METTL8: variants seen among roughly 807,000 people sequenced by gnomAD.
METTL8 encodes the protein tRNA N(3)-cytidine methyltransferase METTL8, mitochondrial.
METTL8 carries 32 observed loss-of-function variants against 48.7 expected under a neutral mutation model. The ratio of observed to expected loss-of-function variants is 0.66; its 90% CI spans 0.50 to 0.88. METTL8 has a LOEUF of 0.88. Ranked by LOEUF, METTL8 falls within the 40% of genes least tolerant of loss-of-function variation. METTL8 has a pLI of 0.00. For synonymous variants in METTL8, 136 were observed against 157.1 expected (o/e 0.87, Z 1.01); for missense variants, 464 against 474.4 (o/e 0.98, Z 0.20).
intron 3 of METTL8, among the ~76,000 whole-genome samples, chr2:171,345,489 A>T (rs1687177371): frequency 6.6e-6 from 1 of 151,662 alleles, no homozygotes; most frequent in African/African-American, 2.4e-5. Flanking sequence ...GAAAACTCTT[A>T]AAAACTATGA....
chr2:171,427,314 T>C (rs1692517442), intron 1 of METTL8, among the ~76,000 whole-genome samples: 1 of 152,200 alleles, frequency 6.6e-6, no homozygotes, highest in African/African-American at 2.4e-5. Context: ...CTCCTTACAA[T>C]TATTCTTGCC....
upstream of METTL8, chr2:171,434,755 C>T: frequency 8.6e-6 from 12 of 1,389,430 alleles, no homozygotes; most frequent in Non-Finnish European, 1.1e-5. Flanking sequence ...GCGCGGCGGC[C>T]GAGCCTCCTG....
intron 2 of METTL8, among the ~76,000 whole-genome samples, chr2:171,369,847 C>T (rs1218315076): frequency 5.9e-5 from 9 of 152,044 alleles, no homozygotes; most frequent in African/African-American, 2.2e-4. Flanking sequence ...GCGGGCGGAT[C>T]ATGAGGTCAG....
chr2:171,428,402 T>A (rs747255975), intron 1 of METTL8, among the ~76,000 whole-genome samples: 9 of 152,108 alleles, frequency 5.9e-5, no homozygotes, highest in Non-Finnish European at 8.8e-5. Context: ...CCACTATACA[T>A]GCCAGCTACT....
At chr2:171,383,487 A>G (rs1687761927) in intron 2 of METTL8, among the ~76,000 whole-genome samples, 1 of 152,178 alleles carries the variant, frequency 6.6e-6, no homozygotes, top group African/African-American at 2.4e-5. Context: ...TAAAAACTGT[A>G]CTGGAAACTT....
At chr2:171,347,105 C>G (rs1683348672) in intron 3 of METTL8, among the ~76,000 whole-genome samples, 1 of 152,210 alleles carries the variant, frequency 6.6e-6, no homozygotes, top group Non-Finnish European at 1.5e-5. Flanking sequence ...TGAAGTGTTA[C>G]AGAGGGGATG....
chr2:171,367,386 T>A (rs920967351), intron 2 of METTL8, among the ~76,000 whole-genome samples: 1 of 151,946 alleles, frequency 6.6e-6, no homozygotes, highest in Non-Finnish European at 1.5e-5. Flanking sequence ...TATGTCAGCA[T>A]AGGGGGATGG....
chr2:171,395,997 C>G (rs1689023981), intron 1 of METTL8, among the ~76,000 whole-genome samples: 1 of 152,132 alleles, frequency 6.6e-6, no homozygotes, highest in African/African-American at 2.4e-5. Flanking sequence ...GCTGGCCAGG[C>G]ACAGTGGCTC....
intron 1 of METTL8, among the ~76,000 whole-genome samples, chr2:171,405,297 A>C (rs566200117): frequency 7.9e-5 from 12 of 152,228 alleles, no homozygotes; most frequent in South Asian, 6.2e-4. Flanking sequence ...GGGACTGATC[A>C]AGAAAAAAAA....
intron 1 of METTL8, among the ~76,000 whole-genome samples, chr2:171,415,005 C>T (rs1691157992): frequency 1.3e-5 from 2 of 152,116 alleles, no homozygotes; most frequent in South Asian, 4.2e-4. Context: ...GTAAACTGTG[C>T]CTTTTGCCTT....
intron 5 of METTL8, among the ~76,000 whole-genome samples, chr2:171,336,257 A>G (rs1433676114): frequency 4.1e-4 from 58 of 141,136 alleles, no homozygotes; most frequent in Middle Eastern, 8.8e-3. Flanking sequence ...CACCACACCC[A>G]GCTAATTTTT....
intron 1 of METTL8, among the ~76,000 whole-genome samples, chr2:171,394,847 T>C (rs1316415932): frequency 1.3e-5 from 2 of 152,214 alleles, no homozygotes; most frequent in Admixed American, 6.5e-5. Context: ...ATAAATCTAA[T>C]TGGATGGAAG....
At chr2:171,326,406 T>G (rs1684962397) in intron 7 of METTL8, 1 of 375,266 alleles carries the variant, frequency 2.7e-6, no homozygotes, top group East Asian at 4.7e-5. Context: ...TCACAGAGCT[T>G]GACGTATGAT....
At chr2:171,384,060 T>C (rs1687819338) in intron 2 of METTL8, among the ~76,000 whole-genome samples, 1 of 152,134 alleles carries the variant, frequency 6.6e-6, no homozygotes, top group African/African-American at 2.4e-5. Flanking sequence ...GATGAATGAA[T>C]AAACCAACTG....
At chr2:171,433,760 T>G (rs1202225288) in intron 1 of METTL8, 123 bp downstream of exon 1, 1 of 152,208 alleles carries the variant, frequency 6.6e-6, no homozygotes, top group Non-Finnish European at 1.5e-5. Flanking sequence ...AAAGAGTAAC[T>G]CAATCCCAGT....
At chr2:171,363,198 C>T (rs567620147) in intron 2 of METTL8, among the ~76,000 whole-genome samples, 3 of 151,942 alleles carry the variant, frequency 2.0e-5, no homozygotes, top group African/African-American at 7.2e-5. Context: ...AATAGTATAT[C>T]CTAAGTTCCT....
At chr2:171,336,083 C>T (rs990556676) in intron 5 of METTL8, among the ~76,000 whole-genome samples, 5 of 151,900 alleles carry the variant, frequency 3.3e-5, no homozygotes, top group African/African-American at 1.2e-4. Context: ...AAATCTCTGT[C>T]CCTGTAGTCA....
chr2:171,385,206 A>G (rs1374821866), intron 2 of METTL8, among the ~76,000 whole-genome samples: 2 of 152,010 alleles, frequency 1.3e-5, no homozygotes, highest in African/African-American at 4.8e-5. Flanking sequence ...TGAGGCCAGG[A>G]GTTCAAGACC....
chr2:171,386,693 A>C (rs887227636), intron 2 of METTL8, among the ~76,000 whole-genome samples: 3 of 152,148 alleles, frequency 2.0e-5, no homozygotes, highest in African/African-American at 7.2e-5. Flanking sequence ...GGGAAGCGCT[A>C]CTTAGAGGAG....
Sources: allele counts gnomAD v4.1 joint callset (sites outside exome capture counted in the v4.1 genomes callset), GRCh38; gene constraint gnomAD v4.1.1; transcripts MANE v1.5; gene names NCBI Gene and HGNC (gene_info 2026-07-23, HGNC 2026-07-21).